The following AUTS2 variants were observed in gnomAD, a reference collection of about 807,000 sequenced individuals.
The protein encoded by AUTS2 is activator of transcription and developmental regulator AUTS2, also known as autism susceptibility gene 2 protein.
In AUTS2, 17 loss-of-function variants were observed where a neutral mutation model predicts 112.4. That is an observed-to-expected ratio of 0.15 (90% CI 0.10 to 0.23). The LOEUF (loss-of-function observed/expected upper bound fraction) is 0.23, where lower values mean the gene tolerates loss of function less well. Among genes scored for constraint, AUTS2 ranks in the 10% least tolerant of loss-of-function variants. AUTS2 has a pLI of 1.00. For synonymous variants in AUTS2, 751 were observed against 702.7 expected (o/e 1.07, Z -1.09); for missense variants, 1,510 against 1,701.6 (o/e 0.89, Z 1.98).
chr7:70,191,403 C>A (rs1192577393), intron 4 of AUTS2, among the ~76,000 whole-genome samples: 1 of 152,062 alleles, frequency 6.6e-6, no homozygotes, highest in Non-Finnish European at 1.5e-5. Flanking sequence ...GGTCTCCTGA[C>A]CTCATGATCC....
intron 4 of AUTS2, among the ~76,000 whole-genome samples, chr7:70,172,300 AG>A (rs1180800771): frequency 9.8e-5 from 15 of 152,344 alleles, no homozygotes; most frequent in Middle Eastern, 3.4e-3. Flanking sequence ...CAGGAAATAC[AG>A]CTTTCCAGGT....
chr7:69,601,328 A>T (rs971084593), intron 1 of AUTS2, among the ~76,000 whole-genome samples: 4 of 151,672 alleles, frequency 2.6e-5, no homozygotes, highest in African/African-American at 9.7e-5. Context: ...GTATTGTTTC[A>T]CATGCTCAGA....
chr7:70,256,562 G>A (rs1255120431), intron 4 of AUTS2, among the ~76,000 whole-genome samples: 1 of 152,210 alleles, frequency 6.6e-6, no homozygotes, highest in Non-Finnish European at 1.5e-5. Flanking sequence ...TATGACAGTT[G>A]TCTGTCAGGG....
intron 1 of AUTS2, among the ~76,000 whole-genome samples, chr7:69,822,228 C>A (rs937204895): frequency 7.2e-5 from 11 of 152,158 alleles, no homozygotes; most frequent in African/African-American, 2.7e-4. Context: ...GCCACTTATG[C>A]CTGTCATTGG....
chr7:70,270,382 A>G (rs1187853132), intron 4 of AUTS2, among the ~76,000 whole-genome samples: 8 of 152,180 alleles, frequency 5.3e-5, no homozygotes, highest in African/African-American at 1.7e-4. Flanking sequence ...AAGAGCATTC[A>G]GGGCAAAGGT....
chr7:69,653,619 G>A (rs1222925072), intron 1 of AUTS2, among the ~76,000 whole-genome samples: 1 of 151,120 alleles, frequency 6.6e-6, no homozygotes, highest in Non-Finnish European at 1.5e-5. Context: ...GCATGCATGT[G>A]CCCACATAAT....
chr7:69,926,618 T>G (rs543756084), intron 2 of AUTS2, among the ~76,000 whole-genome samples: 6 of 151,894 alleles, frequency 4.0e-5, no homozygotes, highest in Admixed American at 3.3e-4. Context: ...TTTTTGTTAG[T>G]CGCATTTTTT....
At chr7:70,656,302 T>C (rs887062294) in intron 5 of AUTS2, among the ~76,000 whole-genome samples, 1 of 152,134 alleles carries the variant, frequency 6.6e-6, no homozygotes, top group Admixed American at 6.5e-5. Context: ...AGATATTATT[T>C]TGAAAATTTA....
At chr7:69,961,384 A>G (rs1454737290) in intron 2 of AUTS2, among the ~76,000 whole-genome samples, 1 of 152,196 alleles carries the variant, frequency 6.6e-6, no homozygotes, top group Non-Finnish European at 1.5e-5. Context: ...TCCATTTTAT[A>G]GATAGACAAG....
chr7:70,778,528 G>C (rs1790853063), intron 14 of AUTS2, among the ~76,000 whole-genome samples: 1 of 151,648 alleles, frequency 6.6e-6, no homozygotes, highest in Non-Finnish European at 1.5e-5. Flanking sequence ...CTTGAGCCTG[G>C]GAGTTTGAGT....
intron 1 of AUTS2, among the ~76,000 whole-genome samples, chr7:69,755,625 A>G (rs1055295548): frequency 6.6e-6 from 1 of 152,156 alleles, no homozygotes; most frequent in Non-Finnish European, 1.5e-5. Context: ...GCCATGGGAA[A>G]CACTTGCTAA....
intron 2 of AUTS2, among the ~76,000 whole-genome samples, chr7:69,921,577 G>A (rs1795813943): frequency 6.6e-6 from 1 of 151,396 alleles, no homozygotes; most frequent in Non-Finnish European, 1.5e-5. Context: ...AGACCAGCCT[G>A]GCCAACATGG....
intron 4 of AUTS2, among the ~76,000 whole-genome samples, chr7:70,340,968 C>T (rs939615967): frequency 6.6e-6 from 1 of 152,164 alleles, no homozygotes; most frequent in Non-Finnish European, 1.5e-5. Context: ...ATATGAAACT[C>T]AAAACCCACT....
intron 5 of AUTS2, among the ~76,000 whole-genome samples, chr7:70,531,226 A>G (rs1800075036): frequency 6.6e-6 from 1 of 152,260 alleles, no homozygotes; most frequent in African/African-American, 2.4e-5. Context: ...TGCACATTTC[A>G]TGGTAGGTAA....
chr7:70,708,272 A>G (rs891239649), intron 6 of AUTS2, among the ~76,000 whole-genome samples: 1 of 152,216 alleles, frequency 6.6e-6, no homozygotes, highest in Non-Finnish European at 1.5e-5. Flanking sequence ...GCTCCTCCGC[A>G]GGACCTCTTG....
chr7:70,491,636 A>G (rs928784904), intron 5 of AUTS2, among the ~76,000 whole-genome samples: 2 of 143,452 alleles, frequency 1.4e-5, no homozygotes, highest in South Asian at 2.2e-4. Context: ...TTTTTTTGAG[A>G]CAGAGTCTCA....
At chr7:69,847,020 C>G (rs1792233317) in intron 1 of AUTS2, among the ~76,000 whole-genome samples, 1 of 152,114 alleles carries the variant, frequency 6.6e-6, no homozygotes, top group Non-Finnish European at 1.5e-5. Context: ...GTAGCACAGC[C>G]CAGGCTCTTA....
At chr7:69,641,650 T>TAGCATTTTCTCTC (rs1413524871) in intron 1 of AUTS2, among the ~76,000 whole-genome samples, 2 of 152,234 alleles carry the variant, frequency 1.3e-5, no homozygotes, top group African/African-American at 4.8e-5. Flanking sequence ...GTGGTATTAT[T>TAGCATTTTCTCTC]AGCATTTTCT....
At chr7:70,115,048 C>G (rs964212745) in intron 2 of AUTS2, among the ~76,000 whole-genome samples, 1 of 152,018 alleles carries the variant, frequency 6.6e-6, no homozygotes, top group Non-Finnish European at 1.5e-5. Flanking sequence ...GTGTTTTTTG[C>G]TGGCAGGGCA....
Sources: allele counts gnomAD v4.1 joint callset (sites outside exome capture counted in the v4.1 genomes callset), GRCh38; gene constraint gnomAD v4.1.1; transcripts MANE v1.5; gene names NCBI Gene and HGNC (gene_info 2026-07-23, HGNC 2026-07-21).